The following GRK7 variants were observed in gnomAD, a reference collection of about 807,000 sequenced individuals.
GRK7 encodes the protein rhodopsin kinase GRK7.
In GRK7, 24 loss-of-function variants were observed where a neutral mutation model predicts 34.1. The ratio of observed to expected loss-of-function variants is 0.70; its 90% CI spans 0.51 to 0.99. The LOEUF is 0.99. Ranked by LOEUF, GRK7 falls within the 50% of genes least tolerant of loss-of-function variation. The pLI, the probability that GRK7 is intolerant of heterozygous loss-of-function variation, is 0.00. For synonymous variants in GRK7, 256 were observed against 279.4 expected (o/e 0.92, Z 0.84); for missense variants, 644 against 707.3 (o/e 0.91, Z 1.02).
Position 141,816,770 on chromosome 3 carries a change from G to C in GRK7, c.1382G>C (p.Arg461Pro). The part of the protein sequence containing the change: ...HHFFKTINFP[R>P]LEAGLIEPPF... Reference sequence around the variant, plus strand: ...TTCTTTAAAACGATCAACTTTCCTCGCCTGGAAGCTGGCCTAATTGAACCC... The same window carrying C: ...TTCTTTAAAACGATCAACTTTCCTCCCCTGGAAGCTGGCCTAATTGAACCC... The change falls in exon 6 of 6, where the codon CGC becomes CCC. Residue 461 changes from arginine (R) to proline (P), a missense_variant. By Grantham distance (103) the Arg-to-Pro change is moderately radical. Transcript: ENST00000682958. 6.3e-7 allele frequency: 1 copy of C among 1,574,890 alleles called. No individual in the cohort carries two copies. Among genetic ancestry groups the C allele is most frequent in the Non-Finnish European group, 8.6e-7 (1 of 1,160,950 alleles).
intron 5 of GRK7, among the ~76,000 whole-genome samples, chr3:141,813,222 T>C (rs1711111808): frequency 6.6e-6 from 1 of 152,114 alleles, no homozygotes; most frequent in African/African-American, 2.4e-5. Flanking sequence ...GCCTCCCAGG[T>C]TCAAGAAATT....
At chr3:141,799,609 C>CT (rs1396211128) in intron 4 of GRK7, among the ~76,000 whole-genome samples, 7 of 147,116 alleles carry the variant, frequency 4.8e-5, no homozygotes, top group South Asian at 4.3e-4. Flanking sequence ...GAGGCTCGGT[C>CT]TAAAAAAAAA....
rs571578560 is a variant in GRK7, at chr3:141,809,712, T to C, written c.1325+1793T>C. Among the ~76,000 whole-genome samples the C allele has an allele frequency of 2.9e-4, 44 of 152,008 alleles. 1 individual carries two copies. The South Asian group carries it at 8.3e-3, about 29-fold the overall frequency. On this transcript the variant is annotated intron_variant, in intron 5 of 5. Coordinates refer to ENST00000682958, the MANE Select transcript of GRK7 (RefSeq NM_139209.3). ...GACCCTGTCTCTAAAAAAAAGATAC[T>C]ATAGAAGAAAAAAAGACGTAAAAGT...
Position 141,764,750 on chromosome 3 carries a change from G to T in GRK7, c.-1203G>T, listed in dbSNP as rs2084572071. On this transcript the variant is annotated 5_prime_UTR_variant, in exon 1 of 6. Transcript: ENST00000682958. ...GTAGACTACTCAAGACCTCAGTTTG[G>T]CTGTCTCCCTGGCAGGTCAAATTTA... Among the ~76,000 whole-genome samples, 1 of 152,096 alleles carries T rather than the reference G, an allele frequency of 6.6e-6. No homozygotes were observed. The highest frequency in any genetic ancestry group is 1.5e-5 in the Non-Finnish European group (1 of 68,022).
In GRK7 at chr3:141,819,084, G is replaced by C. The variant is rs889721254; in HGVS notation, c.*2034G>C. 6.6e-6 allele frequency among the ~76,000 whole-genome samples: 1 copy of C among 151,990 alleles called. No individual in the cohort carries two copies. The highest frequency in any genetic ancestry group is 2.4e-5 in the African/African-American group (1 of 41,392). The stretch of plus-strand genomic sequence containing the variant: ...AAGTAAGAAAGTAAATTAAAGTTTG[G>C]TTAAGTTTTGAACAAGTCCCTTTTA... On this transcript the variant is annotated 3_prime_UTR_variant, in exon 6 of 6. Coordinates refer to ENST00000682958, the MANE Select transcript of GRK7 (RefSeq NM_139209.3).
At chr3:141,751,516 A>G in the GRK7 span, among the ~76,000 whole-genome samples, 25 of 152,212 alleles carry the variant, frequency 1.6e-4, no homozygotes, top group Non-Finnish European at 2.6e-4. Context: ...GCATTACACC[A>G]TATGTGACTA....
chr3:141,776,933 G>C (rs1433757220), intron 2 of GRK7, among the ~76,000 whole-genome samples: 1 of 152,108 alleles, frequency 6.6e-6, no homozygotes, highest in African/African-American at 2.4e-5. Context: ...GTTATTTTTG[G>C]AGCAGAAGTT....
intron 1 of GRK7, among the ~76,000 whole-genome samples, chr3:141,768,574 CT>C (rs1577909604): frequency 6.6e-6 from 1 of 152,200 alleles, no homozygotes; most frequent in Non-Finnish European, 1.5e-5. Context: ...GCCACCGCCC[CT>C]GGTCCTTGTT....
At chr3:141,800,694 A>G (rs1191529770) in intron 4 of GRK7, among the ~76,000 whole-genome samples, 1 of 152,226 alleles carries the variant, frequency 6.6e-6, no homozygotes, top group Non-Finnish European at 1.5e-5. Flanking sequence ...ATGAAAGAAT[A>G]CATACTATAC....
At chr3:141,771,179 G>A (rs997621847) in intron 1 of GRK7, among the ~76,000 whole-genome samples, 1 of 152,026 alleles carries the variant, frequency 6.6e-6, no homozygotes, top group African/African-American at 2.4e-5. Context: ...TTCACCAATG[G>A]GTGACTGGGT....
chr3:141,769,801 G>A (rs958481178), intron 1 of GRK7, among the ~76,000 whole-genome samples: 3 of 152,152 alleles, frequency 2.0e-5, no homozygotes, highest in East Asian at 1.9e-4. Context: ...CAGCTCCCAC[G>A]TGACAGCCTC....
the GRK7 span, among the ~76,000 whole-genome samples, chr3:141,751,990 T>A: frequency 6.6e-6 from 1 of 152,224 alleles, no homozygotes; most frequent in Non-Finnish European, 1.5e-5. Context: ...CAAAAGATTA[T>A]CTTAAAACTA....
At chr3:141,753,640 A>G in the GRK7 span, among the ~76,000 whole-genome samples, 1 of 152,202 alleles carries the variant, frequency 6.6e-6, no homozygotes, top group Non-Finnish European at 1.5e-5. Context: ...TGTGCAGCCC[A>G]GTTCCTAACA....
At position 141,794,834 on chromosome 3, in the gene GRK7, G is replaced by C. The variant is rs143835952; in HGVS notation, c.1051-12811G>C. 5.5e-3 allele frequency among the ~76,000 whole-genome samples: 841 copies of C among 152,124 alleles called. 2 individuals are homozygous for C. Among genetic ancestry groups the C allele is most frequent in the Non-Finnish European group, 9.2e-3 (623 of 68,012 alleles). Reference sequence around the variant, plus strand: ...TTGGATACGGGGTTAAGGGAGATGGGGTGTCAAGAATGATTTGTTAGATAA... The same window carrying C: ...TTGGATACGGGGTTAAGGGAGATGGCGTGTCAAGAATGATTTGTTAGATAA... On this transcript the variant is annotated intron_variant, in intron 4 of 5. Transcript: ENST00000682958.
chr3:141,782,976 A>G (rs2084679322), intron 4 of GRK7, among the ~76,000 whole-genome samples: 2 of 152,214 alleles, frequency 1.3e-5, no homozygotes, highest in Admixed American at 6.5e-5. Flanking sequence ...GGAAATAAGC[A>G]CTTGCCAGCA....
chr3:141,804,778 TG>T, intron 4 of GRK7, among the ~76,000 whole-genome samples: 1 of 148,246 alleles, frequency 6.7e-6, no homozygotes, highest in Non-Finnish European at 1.5e-5. Flanking sequence ...CATACACACA[TG>T]CTCACATACA....
At chr3:141,815,599 A>AGT (rs1342941967) in intron 5 of GRK7, among the ~76,000 whole-genome samples, 1 of 151,870 alleles carries the variant, frequency 6.6e-6, no homozygotes, top group Non-Finnish European at 1.5e-5. Context: ...CTTTGCCTTA[A>AGT]GTGTGGTCTT....
the GRK7 span, among the ~76,000 whole-genome samples, chr3:141,753,038 A>G: frequency 6.6e-6 from 1 of 152,180 alleles, no homozygotes; most frequent in African/African-American, 2.4e-5. Flanking sequence ...AACCCAGTCT[A>G]TGGCATTTTG....
At chr3:141,804,586 C>T (rs1711003822) in intron 4 of GRK7, among the ~76,000 whole-genome samples, 1 of 151,212 alleles carries the variant, frequency 6.6e-6, no homozygotes, top group East Asian at 1.9e-4. Context: ...TACACACATA[C>T]ACATACAGGC....
Sources: gnomAD v4.1 joint callset for allele counts (sites outside exome capture counted in the v4.1 genomes callset) on GRCh38, gnomAD v4.1.1 for gene constraint, MANE v1.5 for transcripts, NCBI Gene and HGNC (gene_info 2026-07-23, HGNC 2026-07-21) for gene names.